Variants in SLC24A2 observed in about 807,000 individuals in gnomAD.
SLC24A2 encodes the protein solute carrier family 24 member 2.
In SLC24A2, 36 loss-of-function variants were observed where a neutral mutation model predicts 62.0. The ratio of observed to expected loss-of-function variants is 0.58; its 90% CI spans 0.44 to 0.77. The LOEUF is 0.77. Ranked by LOEUF, SLC24A2 falls within the 30% of genes least tolerant of loss-of-function variation. SLC24A2 has a pLI of 0.00. For missense variants in SLC24A2, 846 were observed against 817.9 expected (o/e 1.03, Z -0.42); for synonymous variants, 358 against 294.0 (o/e 1.22, Z -2.23).
At chr9:20,131,138 C>A in the SLC24A2 span, among the ~76,000 whole-genome samples, 4 of 152,110 alleles carry the variant, frequency 2.6e-5, no homozygotes, top group African/African-American at 9.7e-5. Context: ...GCAGGGCTTG[C>A]TTTTCAAAGA....
At chr9:20,097,034 T>C in the SLC24A2 span, among the ~76,000 whole-genome samples, 1 of 152,246 alleles carries the variant, frequency 6.6e-6, no homozygotes, top group African/African-American at 2.4e-5. Flanking sequence ...AACCTGATTT[T>C]CATCCACTGT....
At chr9:19,903,095 C>T in the SLC24A2 span, among the ~76,000 whole-genome samples, 1 of 150,808 alleles carries the variant, frequency 6.6e-6, no homozygotes. Context: ...ATTATCAGAT[C>T]GAGTGCCAGA....
the SLC24A2 span, among the ~76,000 whole-genome samples, chr9:19,857,278 T>G: frequency 6.6e-6 from 1 of 152,214 alleles, no homozygotes; most frequent in Non-Finnish European, 1.5e-5. Context: ...ACTTTGACCC[T>G]CCTAACTTTC....
intron 2 of SLC24A2, among the ~76,000 whole-genome samples, chr9:19,629,786 T>C (rs1818129772): frequency 6.6e-6 from 1 of 152,202 alleles, no homozygotes; most frequent in Non-Finnish European, 1.5e-5. Context: ...CAAGGACTAG[T>C]GCTATTTCAT....
At chr9:20,134,846 C>T in the SLC24A2 span, among the ~76,000 whole-genome samples, 1 of 152,134 alleles carries the variant, frequency 6.6e-6, no homozygotes, top group Non-Finnish European at 1.5e-5. Context: ...TTGTTGCTTG[C>T]CAAAGTACAG....
At chr9:20,245,409 G>T in the SLC24A2 span, among the ~76,000 whole-genome samples, 4 of 152,200 alleles carry the variant, frequency 2.6e-5, no homozygotes, top group Admixed American at 2.0e-4. Context: ...GCCAAAGAGA[G>T]GTGGAAGTCT....
the SLC24A2 span, among the ~76,000 whole-genome samples, chr9:19,824,605 A>G: frequency 9.9e-5 from 15 of 152,208 alleles, no homozygotes; most frequent in Admixed American, 1.3e-4. Context: ...TGTGGAAGAC[A>G]GTGTGGCGAT....
intron 2 of SLC24A2, among the ~76,000 whole-genome samples, chr9:19,636,305 T>TTTCCTTTCCTTTCCTTTCCTTTCCC (rs1818321027): frequency 2.2e-5 from 1 of 44,884 alleles, no homozygotes; most frequent in African/African-American, 8.5e-5. Flanking sequence ...TTTTCTTTTC[T>TTTCCTTTCCTTTCCTTTCCTTTCCC]TTTCTTTTCT....
the SLC24A2 span, among the ~76,000 whole-genome samples, chr9:19,910,820 G>A: frequency 1.6e-4 from 24 of 151,812 alleles, no homozygotes; most frequent in East Asian, 1.4e-3. Context: ...TCCTCTATGC[G>A]TCCATAGTAG....
chr9:19,628,839 C>T (rs1050800331), intron 2 of SLC24A2, among the ~76,000 whole-genome samples: 14 of 152,204 alleles, frequency 9.2e-5, no homozygotes, highest in African/African-American at 2.9e-4. Context: ...AAACAAACAA[C>T]TCATAATGTT....
chr9:19,570,556 C>A (rs1237483103), intron 7 of SLC24A2, among the ~76,000 whole-genome samples: 1 of 152,164 alleles, frequency 6.6e-6, no homozygotes, highest in Non-Finnish European at 1.5e-5. Flanking sequence ...ATACATAAAA[C>A]CATTTCACTT....
intron 2 of SLC24A2, among the ~76,000 whole-genome samples, chr9:19,742,142 A>C (rs1821698334): frequency 1.3e-5 from 2 of 152,204 alleles, no homozygotes; most frequent in African/African-American, 4.8e-5. Context: ...ATTGCCATAA[A>C]AGTGTTGATG....
chr9:19,517,926 C>G (rs879703954), intron 10 of SLC24A2, among the ~76,000 whole-genome samples: 1 of 141,166 alleles, frequency 7.1e-6, no homozygotes, highest in East Asian at 2.1e-4. Context: ...CACACACACA[C>G]ACACACACAC....
intron 2 of SLC24A2, among the ~76,000 whole-genome samples, chr9:19,636,316 T>TTTCTTTTCTTTTCC (rs1564009666): frequency 3.1e-4 from 3 of 9,830 alleles, no homozygotes; most frequent in Non-Finnish European, 4.6e-4. Context: ...TTTCTTTTCT[T>TTTCTTTTCTTTTCC]TTCTTTCTTT....
At chr9:19,826,081 TGAATGC>T in the SLC24A2 span, among the ~76,000 whole-genome samples, 1 of 150,364 alleles carries the variant, frequency 6.7e-6, no homozygotes, top group Non-Finnish European at 1.5e-5. Context: ...ATGCCTGCTC[TGAATGC>T]AATTAAACCA....
chr9:19,963,777 T>C, the SLC24A2 span, among the ~76,000 whole-genome samples: 11 of 152,216 alleles, frequency 7.2e-5, no homozygotes, highest in East Asian at 1.9e-3. Context: ...GGTGGGACTG[T>C]AAACTAGTTC....
At chr9:19,972,579 A>G in the SLC24A2 span, among the ~76,000 whole-genome samples, 1 of 152,196 alleles carries the variant, frequency 6.6e-6, no homozygotes. Context: ...TCCAGTCCAC[A>G]GCGAGATGAT....
intron 2 of SLC24A2, among the ~76,000 whole-genome samples, chr9:19,737,215 T>A (rs929350232): frequency 2.0e-5 from 3 of 152,220 alleles, no homozygotes; most frequent in African/African-American, 7.2e-5. Flanking sequence ...CATATCTGAA[T>A]GTGTTAATTT....
At chr9:19,717,974 C>CTTT (rs373497951) in intron 2 of SLC24A2, among the ~76,000 whole-genome samples, 42 of 135,312 alleles carry the variant, frequency 3.1e-4, no homozygotes, top group African/African-American at 1.0e-3. Flanking sequence ...TGATTTAAAA[C>CTTT]TTTTTTTTTT....
Sources: gnomAD v4.1 joint callset for allele counts (sites outside exome capture counted in the v4.1 genomes callset) on GRCh38, gnomAD v4.1.1 for gene constraint, MANE v1.5 for transcripts, NCBI Gene and HGNC (gene_info 2026-07-23, HGNC 2026-07-21) for gene names.